The following AFG2B variants were observed in gnomAD, a reference collection of about 807,000 sequenced individuals.
AFG2B encodes the protein ATPase family gene 2 protein homolog B.
At chr15:45,409,444 T>C in the AFG2B span, among the ~76,000 whole-genome samples, 1 of 151,816 alleles carries the variant, frequency 6.6e-6, no homozygotes, top group African/African-American at 2.4e-5. Flanking sequence ...AGCTTCATAT[T>C]ATCGGAGAAG....
chr15:45,414,906 A>T, the AFG2B span: 2 of 787,472 alleles, frequency 2.5e-6, no homozygotes, highest in South Asian at 3.9e-5. Flanking sequence ...TTATTGAAAA[A>T]TTTAGAAAAT....
At chr15:45,409,608 C>T in the AFG2B span, among the ~76,000 whole-genome samples, 1 of 151,980 alleles carries the variant, frequency 6.6e-6, no homozygotes. Flanking sequence ...TGCCTGTAAT[C>T]CCAGCACTTT....
the AFG2B span, chr15:45,402,370 T>G: frequency 1.9e-6 from 3 of 1,551,750 alleles, no homozygotes; most frequent in South Asian, 1.2e-5. Flanking sequence ...GGTGTTCCGC[T>G]TTTTGTGGGC....
At chr15:45,406,094 G>A in the AFG2B span, among the ~76,000 whole-genome samples, 5 of 152,098 alleles carry the variant, frequency 3.3e-5, no homozygotes, top group African/African-American at 9.7e-5. Flanking sequence ...GAAAATTAAC[G>A]CAGACATAAT....
At chr15:45,414,543 C>T in the AFG2B span, 1 of 1,598,500 alleles carries the variant, frequency 6.3e-7, no homozygotes, top group Non-Finnish European at 8.6e-7. Context: ...TATACTAAAA[C>T]AACTCTTCTC....
chr15:45,408,731 A>G, the AFG2B span, among the ~76,000 whole-genome samples: 1 of 152,122 alleles, frequency 6.6e-6, no homozygotes, highest in African/African-American at 2.4e-5. Context: ...TCCTCATCAA[A>G]CTTTCAGGCT....
At chr15:45,416,899 C>T in the AFG2B span, 403 of 156,522 alleles carry the variant, frequency 2.6e-3, 2 homozygotes, top group Non-Finnish European at 3.1e-3. Flanking sequence ...ATATCTCCAC[C>T]GGTTGGTCAT....
the AFG2B span, among the ~76,000 whole-genome samples, chr15:45,415,401 G>A: frequency 6.6e-6 from 1 of 151,776 alleles, no homozygotes; most frequent in Admixed American, 6.6e-5. Flanking sequence ...GAGAGACTGA[G>A]GCACAAGAAT....
At chr15:45,405,799 A>G in the AFG2B span, among the ~76,000 whole-genome samples, 2 of 152,186 alleles carry the variant, frequency 1.3e-5, no homozygotes, top group Non-Finnish European at 2.9e-5. Context: ...AGAATCAAAG[A>G]GTTTTTTTAA....
chr15:45,410,261 A>G, the AFG2B span: 2 of 1,239,912 alleles, frequency 1.6e-6, no homozygotes, highest in Non-Finnish European at 1.1e-6. Context: ...TTATAATGAT[A>G]ACAAAATAAC....
the AFG2B span, among the ~76,000 whole-genome samples, chr15:45,414,024 C>T: frequency 2.6e-5 from 4 of 152,086 alleles, no homozygotes; most frequent in Admixed American, 2.6e-4. Flanking sequence ...GCTTTGCTTA[C>T]GTTCTAGCAG....
the AFG2B span, among the ~76,000 whole-genome samples, chr15:45,405,733 A>G: frequency 6.6e-6 from 1 of 152,220 alleles, no homozygotes; most frequent in African/African-American, 2.4e-5. Flanking sequence ...CCCTACTCTT[A>G]TAGTAACTCC....
chr15:45,409,269 CG>C, the AFG2B span, among the ~76,000 whole-genome samples: 3 of 150,784 alleles, frequency 2.0e-5, no homozygotes, highest in Non-Finnish European at 4.4e-5. Flanking sequence ...CCCAGCTACT[CG>C]GTAGGCTGAG....
At chr15:45,406,999 T>A in the AFG2B span, 3 of 1,286,242 alleles carry the variant, frequency 2.3e-6, no homozygotes, top group African/African-American at 4.6e-5. Context: ...GGAAGGGAGA[T>A]TTACATTCAG....
At chr15:45,408,447 G>A in the AFG2B span, among the ~76,000 whole-genome samples, 1 of 152,060 alleles carries the variant, frequency 6.6e-6, no homozygotes, top group Admixed American at 6.6e-5. Context: ...GAGAGAATGG[G>A]TTGCATATAT....
the AFG2B span, among the ~76,000 whole-genome samples, chr15:45,408,412 A>T: frequency 4.8e-3 from 725 of 152,154 alleles, 3 homozygotes; most frequent in African/African-American, 0.017. Flanking sequence ...ATATGCACAT[A>T]GTATTTATTT....
the AFG2B span, chr15:45,415,443 A>G: frequency 1.7e-5 from 11 of 659,652 alleles, no homozygotes; most frequent in Admixed American, 6.3e-5. Context: ...AGTTGCAGTG[A>G]GCTGAAATCG....
At chr15:45,404,823 AG>A in the AFG2B span, among the ~76,000 whole-genome samples, 103 of 141,258 alleles carry the variant, frequency 7.3e-4, no homozygotes, top group African/African-American at 2.5e-3. Context: ...AAAAAAAAAA[AG>A]AAAAAAAAAA....
the AFG2B span, among the ~76,000 whole-genome samples, chr15:45,416,190 C>T: frequency 6.6e-6 from 1 of 152,150 alleles, no homozygotes; most frequent in Non-Finnish European, 1.5e-5. Context: ...CTTTGGGAGG[C>T]CAAGGCAGAA....
Sources: allele counts gnomAD v4.1 joint callset (sites outside exome capture counted in the v4.1 genomes callset), GRCh38; gene constraint gnomAD v4.1.1; transcripts MANE v1.5; gene names NCBI Gene and HGNC (gene_info 2026-07-23, HGNC 2026-07-21).